The following DMBT1 variants were observed in gnomAD, a reference collection of about 807,000 sequenced individuals.
The protein encoded by DMBT1 is scavenger receptor cysteine-rich domain-containing protein DMBT1.
In DMBT1, 198 loss-of-function variants were observed where a neutral mutation model predicts 252.9. The observed-to-expected ratio is 0.78, with a 90% CI of 0.70 to 0.88. The LOEUF (loss-of-function observed/expected upper bound fraction) is 0.88. DMBT1 is among the 40% of genes least tolerant of loss of function. The pLI is 0.00. For missense variants in DMBT1, 2,432 were observed against 2,404.7 expected (o/e 1.01, Z -0.24); for synonymous variants, 990 against 942.7 (o/e 1.05, Z -0.92).
At chr10:122,618,602 G>A (rs2133630304) in intron 41 of DMBT1, among the ~76,000 whole-genome samples, 1 of 152,348 alleles carries the variant, frequency 6.6e-6, no homozygotes, top group South Asian at 2.1e-4. Context: ...AGAGGCAGAA[G>A]AGAAAAGTGC....
At chr10:122,562,389 C>A (rs976915416) in intron 1 of DMBT1, among the ~76,000 whole-genome samples, 1 of 152,128 alleles carries the variant, frequency 6.6e-6, no homozygotes, top group African/African-American at 2.4e-5. Flanking sequence ...ACCCAGCCCT[C>A]CCACCCAGGT....
chr10:122,617,974 C>T (rs773644540), intron 40 of DMBT1, 43 bp from the exon 41 acceptor site: 2 of 1,608,372 alleles, frequency 1.2e-6, no homozygotes, highest in Middle Eastern at 2.2e-4. Context: ...GATTGTTGAC[C>T]TCCTGGTGGG....
intron 44 of DMBT1, among the ~76,000 whole-genome samples, chr10:122,622,113 A>G (rs546551262): frequency 3.4e-4 from 52 of 152,338 alleles, no homozygotes; most frequent in African/African-American, 1.1e-3. Flanking sequence ...TCAATTGGAC[A>G]TCACATCCAG....
intron 8 of DMBT1, among the ~76,000 whole-genome samples, chr10:122,578,064 C>T (rs2097728650): frequency 6.6e-6 from 1 of 152,216 alleles, no homozygotes; most frequent in Non-Finnish European, 1.5e-5. Context: ...CAGTTCCATG[C>T]TGTCCCAATG....
intron 1 of DMBT1, among the ~76,000 whole-genome samples, chr10:122,562,616 T>C (rs2133494586): frequency 6.6e-6 from 1 of 152,374 alleles, no homozygotes; most frequent in Admixed American, 6.5e-5. Context: ...CATCAGCCAC[T>C]GTAGACAGGG....
Position 122,579,889 on chromosome 10 carries a change from G to T in DMBT1, c.991G>T (p.Val331Phe), listed in dbSNP as rs779605519. 1 of 1,613,870 alleles carries T rather than the reference G, an allele frequency of 6.2e-7. No individual in the cohort carries two copies. The highest frequency in any genetic ancestry group is 8.5e-7 in the Non-Finnish European group (1 of 1,179,776). The change falls in exon 10 of 56, where the codon GTC (valine) becomes TTC (phenylalanine). Residue 331 changes from valine (V) to phenylalanine (F), a missense_variant. Val to Phe is a conservative substitution (Grantham distance 50, BLOSUM62 -1). Transcript: ENST00000338354. ...HNCGHSEDAGVICSAPQSRPT... is the reference protein window; with the variant it reads ...HNCGHSEDAGFICSAPQSRPT... Reference sequence around the variant, plus strand: ...CTGTGGCCATAGTGAAGACGCTGGTGTCATCTGCTCAGGTGGGCCTTCAAG... The same window carrying T: ...CTGTGGCCATAGTGAAGACGCTGGTTTCATCTGCTCAGGTGGGCCTTCAAG...
chr10:122,601,088 G>C (rs558305870), intron 28 of DMBT1, 65 bp downstream of exon 28: 4 of 625,822 alleles, frequency 6.4e-6, no homozygotes, highest in African/African-American at 5.8e-5. Flanking sequence ...GTTTGAAACT[G>C]ATAGGATGAG....
chr10:122,585,003 T>G (rs1348364385), intron 14 of DMBT1, among the ~76,000 whole-genome samples: 1 of 148,900 alleles, frequency 6.7e-6, no homozygotes, highest in African/African-American at 2.4e-5. Flanking sequence ...AGTGCATGTG[T>G]CAGTGCATGG....
chr10:122,633,068 T>G, intron 51 of DMBT1, 123 bp from the exon 52 acceptor site: 1 of 1,495,384 alleles, frequency 6.7e-7, no homozygotes, highest in Non-Finnish European at 9.0e-7. Context: ...TTGCTCTTAC[T>G]TGGTTTCTGT....
intron 48 of DMBT1, 66 bp downstream of exon 48, chr10:122,630,556 C>G: frequency 1.3e-6 from 2 of 1,507,778 alleles, no homozygotes; most frequent in Non-Finnish European, 1.8e-6. Context: ...TTTGGGGGCA[C>G]CATGGTTCCC....
chr10:122,586,274 G>T lies in DMBT1; in HGVS notation c.1674G>T (p.Leu558=). 1 of 1,588,672 alleles carries T rather than the reference G, an allele frequency of 6.3e-7. No individual in the cohort carries two copies. The highest frequency in any genetic ancestry group is 8.6e-7 in the Non-Finnish European group (1 of 1,165,886). Residue 558 remains leucine, a synonymous_variant, in exon 16 of 56, where the codon CTG becomes CTT. Transcript: ENST00000338354. ...RFGQGSGPIV[L]DDVRCSGNES... is the part of the protein sequence containing the mutation. ...GTCAGGGCTCAGGACCCATTGTCCT[G>T]GATGACGTGCGCTGCTCAGGGAATG...
rs1300388440 is a variant in DMBT1, at chr10:122,636,182, C to T, written c.6740C>T (p.Pro2247Leu). The T allele has an allele frequency of 6.2e-7, 1 of 1,613,528 alleles. No individual in the cohort carries two copies. Among genetic ancestry groups the T allele is most frequent in the Non-Finnish European group, 8.5e-7 (1 of 1,179,610 alleles). ...TTCCGGGCTGAGTACTACTCCAGTCCCTCCAATGACAGCACCAGTAAGTCC... is the reference window on the plus strand; with the variant it reads ...TTCCGGGCTGAGTACTACTCCAGTCTCTCCAATGACAGCACCAGTAAGTCC... ...RGFRAEYYSS[P>L]SNDSTNLLCL... The change falls in exon 53 of 56, where the codon CCC becomes CTC. Residue 2247 changes from proline to leucine, a missense_variant. By Grantham distance (98) the Pro-to-Leu change is moderately conservative. Coordinates refer to ENST00000338354, the MANE Select transcript of DMBT1 (RefSeq NM_001377530.1).
intron 5 of DMBT1, among the ~76,000 whole-genome samples, chr10:122,573,017 G>A (rs1442395095): frequency 6.6e-6 from 1 of 152,214 alleles, no homozygotes; most frequent in African/African-American, 2.4e-5. Flanking sequence ...ATAGTGCCAG[G>A]ATGTGTGCAG....
chr10:122,577,345 AGTGGGGTAAGG>A (rs1209018617), intron 7 of DMBT1, among the ~76,000 whole-genome samples: 1 of 152,138 alleles, frequency 6.6e-6, no homozygotes, highest in East Asian at 1.9e-4. Context: ...GAGGCATGGA[AGTGGGGTAAGG>A]GTGGGAGGAT....
chr10:122,637,925 G>A (rs149359128), intron 54 of DMBT1, among the ~76,000 whole-genome samples: 86 of 152,298 alleles, frequency 5.6e-4, no homozygotes, highest in African/African-American at 1.9e-3. Context: ...AGCCAATATG[G>A]TGTGTCCCTT....
intron 7 of DMBT1, 25 bp downstream of exon 7, chr10:122,576,747 T>C: frequency 6.2e-7 from 1 of 1,613,396 alleles, no homozygotes; most frequent in Non-Finnish European, 8.5e-7. Context: ...CTCTGGAGGG[T>C]TGGGTGTGGT....
In DMBT1 at chr10:122,577,802, T is replaced by G. The variant is rs1272947721; in HGVS notation, c.608-9T>G. Reference sequence around the variant, plus strand: ...TTTGGTGTCTAATGTTGCTATTTTTTTCTCACAGCTGCCCAGCCTCAGTCA... The same window carrying G: ...TTTGGTGTCTAATGTTGCTATTTTTGTCTCACAGCTGCCCAGCCTCAGTCA... On this transcript the variant is annotated splice_polypyrimidine_tract_variant and intron_variant, in intron 7 of 55. Coordinates refer to ENST00000338354, the MANE Select transcript of DMBT1 (RefSeq NM_001377530.1). 9 of 1,613,656 alleles carry G rather than the reference T, an allele frequency of 5.6e-6. No individual in the cohort carries two copies. Among genetic ancestry groups the G allele is most frequent in the Middle Eastern group, 1.7e-4 (1 of 6,040 alleles).
chr10:122,570,162 C>G lies in DMBT1; in HGVS notation c.92C>G (p.Ala31Gly), dbSNP rs967156997. 1 of 1,592,754 alleles carries G rather than the reference C, an allele frequency of 6.3e-7. No individual in the cohort carries two copies. Among genetic ancestry groups the G allele is most frequent in the African/African-American group, 1.3e-5 (1 of 74,532 alleles). The change falls in exon 3 of 56, where the codon GCT becomes GGT. Residue 31 changes from alanine (A) to glycine (G), a missense_variant and splice_region_variant. This residue lies in a region of DMBT1 where 1,264 missense variants were observed against 1,082.2 expected (regional missense o/e 1.17). Coordinates refer to ENST00000338354, the MANE Select transcript of DMBT1 (RefSeq NM_001377530.1). ...GAGCTCTTCCTTTTCCACCTCGCAG[C>G]TTCACTGATTCCCTCGGAGGTGCCC... The part of the protein sequence containing the change: ...GGWIPRTTDY[A>G]SLIPSEVPLD...
At chr10:122,574,841 G>C (rs1469538296) in intron 6 of DMBT1, among the ~76,000 whole-genome samples, 1 of 152,222 alleles carries the variant, frequency 6.6e-6, no homozygotes, top group Non-Finnish European at 1.5e-5. Context: ...CAGGACTGCA[G>C]ATAGGACTTA....
Sources: gnomAD v4.1 joint callset for allele counts (sites outside exome capture counted in the v4.1 genomes callset) on GRCh38, gnomAD v4.1.1 for gene constraint, gnomAD v4.1.1 regional missense constraint, MANE v1.5 for transcripts, NCBI Gene and HGNC (gene_info 2026-07-23, HGNC 2026-07-21) for gene names.